Variants in ZDHHC15 observed in about 807,000 individuals in gnomAD.
ZDHHC15 encodes palmitoyltransferase ZDHHC15.
ZDHHC15 carries 19 observed loss-of-function variants against 31.7 expected under a neutral mutation model. The observed-to-expected ratio is 0.60, with a 90% CI of 0.42 to 0.88. The LOEUF is 0.88. Ranked by LOEUF, ZDHHC15 falls within the 40% of genes least tolerant of loss-of-function variation. The pLI, the probability that ZDHHC15 is intolerant of heterozygous loss-of-function variation, is 0.00. For synonymous variants in ZDHHC15, 103 were observed against 90.0 expected, an observed-to-expected ratio of 1.14 and a Z score of -0.82; for missense variants, 209 against 251.2, an observed-to-expected ratio of 0.83 and a Z score of 1.14.
chrX:75,491,582 A>G (rs1350002719), intron 2 of ZDHHC15, among the ~76,000 whole-genome samples: 1 of 109,882 alleles, frequency 9.1e-6, no homozygotes, highest in East Asian at 2.9e-4. Context: ...ATATGTAACT[A>G]ACCTGCACAT....
chrX:75,376,819 G>T (rs1003539868), intron 11 of ZDHHC15, among the ~76,000 whole-genome samples: 2 of 111,513 alleles, frequency 1.8e-5, no homozygotes, highest in African/African-American at 6.5e-5. Flanking sequence ...TCATTTTGAA[G>T]AAAATATAAT....
At chrX:75,517,150 T>C (rs928620898) in intron 1 of ZDHHC15, among the ~76,000 whole-genome samples, 1 of 111,967 alleles carries the variant, frequency 8.9e-6, no homozygotes, top group East Asian at 2.8e-4. Flanking sequence ...GAGTGTAAAC[T>C]AGTTCAACCA....
At chrX:75,468,644 G>A (rs2084452618) in intron 3 of ZDHHC15, among the ~76,000 whole-genome samples, 1 of 111,744 alleles carries the variant, frequency 8.9e-6, no homozygotes. Flanking sequence ...AATTTGCACA[G>A]CTGTTTTCAC....
In ZDHHC15 at chrX:75,442,186, T is replaced by C. The variant is rs757732038; in HGVS notation, c.379+8616A>G. Among the ~76,000 whole-genome samples, 17 of 112,101 alleles carry C rather than the reference T, an allele frequency of 1.5e-4. 1 individual carries two copies. Among genetic ancestry groups the C allele is most frequent in the East Asian group, 1.1e-3 (4 of 3,552 alleles). ...GAATCAGTAGACTGAGTAAAGCAGA[T>C]TGTCTTCCCCAGTGGGGGTGGGCTT... is the stretch of plus-strand genomic sequence containing the variant. On this transcript the variant is annotated intron_variant, in intron 4 of 11. Transcript: ENST00000373367.
At chrX:75,478,415 C>A (rs1281531585) in intron 3 of ZDHHC15, among the ~76,000 whole-genome samples, 1 of 111,344 alleles carries the variant, frequency 9.0e-6, no homozygotes, top group African/African-American at 3.3e-5. Context: ...CAGGGTCTTA[C>A]TCTGTCACTC....
At chrX:75,518,881 T>A (rs1239078668) in intron 1 of ZDHHC15, among the ~76,000 whole-genome samples, 1 of 94,439 alleles carries the variant, frequency 1.1e-5, no homozygotes, top group Non-Finnish European at 2.1e-5. Context: ...AAGGGATAAA[T>A]TACTGTTACA....
chrX:75,397,198 A>G (rs771587361), intron 10 of ZDHHC15, among the ~76,000 whole-genome samples: 207 of 110,119 alleles, frequency 1.9e-3, no homozygotes, highest in African/African-American at 6.2e-3. Context: ...ATGGTTGTGC[A>G]TGCCTGTAAT....
intron 3 of ZDHHC15, among the ~76,000 whole-genome samples, chrX:75,463,940 T>C (rs954071382): frequency 5.4e-5 from 6 of 111,899 alleles, no homozygotes; most frequent in African/African-American, 2.0e-4. Flanking sequence ...ACTGGGTATA[T>C]ACCCAAAGGA....
At position 75,424,797 on chromosome X, in the gene ZDHHC15, T is replaced by TA. The variant is rs2083692082; in HGVS notation, c.604-14dup. 8.5e-7 allele frequency: 1 copy of TA among 1,172,981 alleles called. No homozygotes were observed. The highest frequency in any genetic ancestry group is 1.1e-6 in the Non-Finnish European group (1 of 878,572). On this transcript the variant is annotated splice_polypyrimidine_tract_variant and intron_variant, in intron 7 of 11. Coordinates refer to ENST00000373367, the MANE Select transcript of ZDHHC15 (RefSeq NM_144969.3). ...TGGGTAATTCCCCCTAGAAAAGAAA[T>TA]AATAAACAAGCAAAAGATTAAAGTG...
At chrX:75,383,307 A>G (rs2083136597) in intron 10 of ZDHHC15, among the ~76,000 whole-genome samples, 1 of 112,473 alleles carries the variant, frequency 8.9e-6, no homozygotes, top group Admixed American at 9.4e-5. Flanking sequence ...ATCATTTTCT[A>G]TATGCAACCT....
At chrX:75,518,810 C>A (rs79517716) in intron 1 of ZDHHC15, among the ~76,000 whole-genome samples, 2 of 11,736 alleles carry the variant, frequency 1.7e-4, no homozygotes, top group African/African-American at 4.9e-4. Flanking sequence ...TATATATACA[C>A]ACACACACAC....
chrX:75,415,126 A>C (rs938464188), intron 10 of ZDHHC15, among the ~76,000 whole-genome samples: 3 of 111,577 alleles, frequency 2.7e-5, no homozygotes, highest in Non-Finnish European at 5.6e-5. Context: ...TAGGAATAAA[A>C]ATTCCACTTG....
intron 7 of ZDHHC15, 22 bp downstream of exon 7, chrX:75,429,056 C>A (rs781481713): frequency 1.2e-5 from 14 of 1,203,939 alleles, no homozygotes; most frequent in Non-Finnish European, 1.6e-5. Context: ...CTAGGGGACC[C>A]TTCAGGATAT....
intron 4 of ZDHHC15, among the ~76,000 whole-genome samples, chrX:75,435,589 T>C (rs750808360): frequency 1.8e-5 from 2 of 112,353 alleles, no homozygotes; most frequent in East Asian, 2.8e-4. Flanking sequence ...TCTGCGTCTA[T>C]TGAGATGATC....
chrX:75,459,693 G>A (rs749462409), intron 3 of ZDHHC15, among the ~76,000 whole-genome samples: 42 of 111,882 alleles, frequency 3.8e-4, no homozygotes, highest in Non-Finnish European at 6.6e-4. Flanking sequence ...GGGGGATGGG[G>A]CAGCCACCAT....
At chrX:75,514,235 G>GT (rs112017248) in intron 1 of ZDHHC15, among the ~76,000 whole-genome samples, 1,238 of 111,790 alleles carry the variant, frequency 0.011, 20 homozygotes, top group East Asian at 0.04. Context: ...TGAGTTTTAC[G>GT]TTTTTTTTAA....
At chrX:75,472,998 T>A (rs2084528441) in intron 3 of ZDHHC15, among the ~76,000 whole-genome samples, 1 of 112,235 alleles carries the variant, frequency 8.9e-6, no homozygotes, top group African/African-American at 3.2e-5. Flanking sequence ...AATACAGGTT[T>A]ACCTATCCTG....
Position 75,370,144 on chromosome X carries a change from T to A in ZDHHC15, c.*2834A>T, listed in dbSNP as rs183190577. Reference sequence around the variant, plus strand: ...GGTTAAGCTTTTCATTCCAGTCCTATAATTAAAGACATATAAGAGCACTAG... The same window carrying A: ...GGTTAAGCTTTTCATTCCAGTCCTAAAATTAAAGACATATAAGAGCACTAG... On this transcript the variant is annotated 3_prime_UTR_variant, in exon 12 of 12. Transcript: ENST00000373367. 22 of 111,835 alleles carry A rather than the reference T, an allele frequency of 2.0e-4. No individual in the cohort carries two copies. Among genetic ancestry groups the A allele is most frequent in the Admixed American group, 1.8e-3 (19 of 10,522 alleles). The allele number at this position is 111,835 out of a possible 1,213,427, so 9.2% of individuals were successfully genotyped here. A position where few individuals can be genotyped will look rare whatever the true frequency, so the allele number is the denominator to read the frequency against.
chrX:75,509,479 G>C (rs958658032), intron 1 of ZDHHC15, among the ~76,000 whole-genome samples: 1 of 112,257 alleles, frequency 8.9e-6, no homozygotes, highest in Non-Finnish European at 1.9e-5. Flanking sequence ...AAAGGGACTT[G>C]TGAAAGGAGA....
Sources: allele counts gnomAD v4.1 joint callset (sites outside exome capture counted in the v4.1 genomes callset), GRCh38; gene constraint gnomAD v4.1.1; transcripts MANE v1.5; gene names NCBI Gene and HGNC (gene_info 2026-07-23, HGNC 2026-07-21).